PLCB1: variants seen among roughly 807,000 people sequenced by gnomAD.
PLCB1 encodes phospholipase C beta 1.
Under a neutral mutation model 161.8 loss-of-function variants are expected in PLCB1, and 46 were observed. The observed-to-expected ratio is 0.28, with a 90% CI of 0.22 to 0.36. The LOEUF (loss-of-function observed/expected upper bound fraction) is 0.36. PLCB1 is among the 10% of genes least tolerant of loss of function. The pLI, the probability that PLCB1 is intolerant of heterozygous loss-of-function variation, is 1.00. For synonymous variants in PLCB1, 517 were observed against 503.7 expected (o/e 1.03, Z -0.35); for missense variants, 1,016 against 1,472.5 (o/e 0.69, Z 5.07).
intron 3 of PLCB1, among the ~76,000 whole-genome samples, chr20:8,373,199 G>A (rs1040905947): frequency 6.6e-6 from 1 of 152,112 alleles, no homozygotes; most frequent in Non-Finnish European, 1.5e-5. Context: ...CTCTTTCTTG[G>A]AGGGACTGAT....
At chr20:8,518,265 A>G (rs1297825528) in intron 3 of PLCB1, among the ~76,000 whole-genome samples, 2 of 152,152 alleles carry the variant, frequency 1.3e-5, no homozygotes, top group Non-Finnish European at 2.9e-5. Context: ...TAGCAATATC[A>G]TAACTTACTT....
At chr20:8,364,705 G>A (rs1303294797) in intron 2 of PLCB1, among the ~76,000 whole-genome samples, 2 of 152,150 alleles carry the variant, frequency 1.3e-5, no homozygotes, top group Non-Finnish European at 2.9e-5. Context: ...AAAAGTCCAA[G>A]GTCTTTTTGT....
chr20:8,653,818 A>T (rs1306117555), intron 7 of PLCB1, among the ~76,000 whole-genome samples: 1 of 152,024 alleles, frequency 6.6e-6, no homozygotes, highest in East Asian at 1.9e-4. Context: ...TCAGATTCAA[A>T]ATATAGTCAT....
chr20:8,482,790 G>C (rs1290622260), intron 3 of PLCB1, among the ~76,000 whole-genome samples: 1 of 152,158 alleles, frequency 6.6e-6, no homozygotes, highest in African/African-American at 2.4e-5. Flanking sequence ...TAATAAAGTA[G>C]ATTTTGAAAA....
At chr20:8,674,465 C>T (rs945894619) in intron 9 of PLCB1, among the ~76,000 whole-genome samples, 10 of 152,282 alleles carry the variant, frequency 6.6e-5, no homozygotes, top group Middle Eastern at 3.4e-3. Context: ...AAGCTGGTAG[C>T]GCTGCATTAC....
Position 8,739,234 on chromosome 20 carries a change from C to A in PLCB1, c.2209-27C>A, listed in dbSNP as rs768265042. 9.7e-6 allele frequency: 12 copies of A among 1,238,206 alleles called. 1 individual carries two copies. In the South Asian group the frequency reaches 1.2e-4, roughly 12 times the overall value. The allele number at this position is 1,238,206 out of a possible 1,614,324, so 76.7% of individuals were successfully genotyped here. ...TCTTGGAATTGTTCATTCTTATAAC[C>A]AGGTGTGTCCTTAATGTCCTTTGTA... On this transcript the variant is annotated intron_variant, in intron 20 of 31. Transcript: ENST00000338037.
chr20:8,271,321 A>G (rs1384516971), intron 2 of PLCB1, among the ~76,000 whole-genome samples: 1 of 152,100 alleles, frequency 6.6e-6, no homozygotes, highest in Non-Finnish European at 1.5e-5. Flanking sequence ...AGTAGGTTAT[A>G]TGATTGAAAT....
intron 3 of PLCB1, among the ~76,000 whole-genome samples, chr20:8,391,793 A>ATATATATATATATATATATGTGTGTGTG (rs1987603750): frequency 1.3e-5 from 1 of 75,160 alleles, no homozygotes; most frequent in African/African-American, 5.6e-5. Context: ...GTGTATATAT[A>ATATATATATATATATATATGTGTGTGTG]TATATATATA....
intron 24 of PLCB1, among the ~76,000 whole-genome samples, chr20:8,757,930 G>T (rs2123565119): frequency 6.6e-6 from 1 of 151,948 alleles, no homozygotes; most frequent in South Asian, 2.1e-4. Flanking sequence ...AGCTAACTTT[G>T]ACATTTAATC....
chr20:8,141,557 G>T (rs1471518132), intron 1 of PLCB1, among the ~76,000 whole-genome samples: 2 of 150,478 alleles, frequency 1.3e-5, no homozygotes, highest in African/African-American at 4.9e-5. Context: ...CAGGAGGCAG[G>T]CAGAGGTTTC....
At chr20:8,133,541 G>C (rs2051314302) in intron 1 of PLCB1, among the ~76,000 whole-genome samples, 1 of 152,146 alleles carries the variant, frequency 6.6e-6, no homozygotes, top group Admixed American at 6.5e-5. Flanking sequence ...GCCCAGCGCC[G>C]GGGTCTCTAA....
intron 3 of PLCB1, chr20:8,371,720 G>A (rs1986910113): frequency 1.7e-5 from 6 of 345,466 alleles, no homozygotes; most frequent in Non-Finnish European, 3.1e-5. Flanking sequence ...CAAGTTACTG[G>A]GTAATTCTAA....
intron 2 of PLCB1, among the ~76,000 whole-genome samples, chr20:8,273,706 A>G (rs1158176677): frequency 2.0e-5 from 3 of 152,140 alleles, no homozygotes; most frequent in Admixed American, 6.6e-5. Context: ...ATTTTCATTT[A>G]TTTCAAGAAG....
At chr20:8,754,093 C>G (rs1267635364) in intron 23 of PLCB1, among the ~76,000 whole-genome samples, 2 of 152,216 alleles carry the variant, frequency 1.3e-5, no homozygotes, top group Non-Finnish European at 2.9e-5. Flanking sequence ...TTATCCCCGA[C>G]TGCAACCATA....
chr20:8,794,320 A>G (rs1983912722), intron 31 of PLCB1, among the ~76,000 whole-genome samples: 1 of 152,252 alleles, frequency 6.6e-6, no homozygotes, highest in African/African-American at 2.4e-5. Flanking sequence ...ATTTATGTTT[A>G]GAGATTGCAG....
At chr20:8,774,042 A>G (rs547575328) in intron 26 of PLCB1, among the ~76,000 whole-genome samples, 4 of 152,144 alleles carry the variant, frequency 2.6e-5, no homozygotes, top group Non-Finnish European at 4.4e-5. Flanking sequence ...TGCACACGGC[A>G]TCTACACGTG....
At chr20:8,615,028 T>C (rs1228408102) in intron 3 of PLCB1, among the ~76,000 whole-genome samples, 2 of 152,180 alleles carry the variant, frequency 1.3e-5, no homozygotes, top group Admixed American at 1.3e-4. Context: ...GAAATAAGCA[T>C]TGTTAATATT....
At chr20:8,625,038 A>G (rs1448152976) in intron 3 of PLCB1, among the ~76,000 whole-genome samples, 1 of 152,126 alleles carries the variant, frequency 6.6e-6, no homozygotes, top group East Asian at 1.9e-4. Flanking sequence ...TAGGTTTGGG[A>G]GATAAGGTGG....
At chr20:8,326,073 C>T (rs971526934) in intron 2 of PLCB1, among the ~76,000 whole-genome samples, 1 of 151,962 alleles carries the variant, frequency 6.6e-6, no homozygotes, top group African/African-American at 2.4e-5. Context: ...AGAGATTTAC[C>T]CTTCGAGGTT....
Sources: gnomAD v4.1 joint callset for allele counts (sites outside exome capture counted in the v4.1 genomes callset) on GRCh38, gnomAD v4.1.1 for gene constraint, MANE v1.5 for transcripts, NCBI Gene and HGNC (gene_info 2026-07-23, HGNC 2026-07-21) for gene names.